MYO1D: variants seen among roughly 807,000 people sequenced by gnomAD.
MYO1D encodes unconventional myosin-Id.
In MYO1D, 83 loss-of-function variants were observed where a neutral mutation model predicts 122.0. The observed-to-expected ratio is 0.68, with a 90% CI of 0.57 to 0.82. The LOEUF (loss-of-function observed/expected upper bound fraction) is 0.82. Ranked by LOEUF, MYO1D falls within the 40% of genes least tolerant of loss-of-function variation. The probability of loss-of-function intolerance (pLI) is 0.00; values close to 1 mark genes in which losing one functional copy is unlikely to be tolerated. For missense variants in MYO1D, 1,157 were observed against 1,269.5 expected, an observed-to-expected ratio of 0.91 and a Z score of 1.35; for synonymous variants, 464 against 446.9, an observed-to-expected ratio of 1.04 and a Z score of -0.48.
chr17:32,752,942 T>C (rs1328264550), intron 11 of MYO1D, among the ~76,000 whole-genome samples: 1 of 152,196 alleles, frequency 6.6e-6, no homozygotes, highest in Non-Finnish European at 1.5e-5. Flanking sequence ...CACTACCAGG[T>C]ATAACGAAAA....
At chr17:32,563,204 C>CTTTTTTTTTTTTTTTTTTT (rs749819200) in intron 21 of MYO1D, among the ~76,000 whole-genome samples, 3 of 105,142 alleles carry the variant, frequency 2.9e-5, no homozygotes, top group East Asian at 2.7e-4. Context: ...TTTTTCTTCT[C>CTTTTTTTTTTTTTTTTTTT]TCTTTTTTTT....
chr17:32,737,896 T>G (rs1461535842), intron 14 of MYO1D, among the ~76,000 whole-genome samples: 1 of 152,242 alleles, frequency 6.6e-6, no homozygotes, highest in Non-Finnish European at 1.5e-5. Context: ...TACAACTTAA[T>G]TCAAGACTTT....
At chr17:32,635,283 A>T (rs148328953) in intron 20 of MYO1D, among the ~76,000 whole-genome samples, 1 of 152,290 alleles carries the variant, frequency 6.6e-6, no homozygotes, top group East Asian at 1.9e-4. Flanking sequence ...GCTATGCAAA[A>T]CTCAGGTTGT....
chr17:32,723,724 C>T lies in MYO1D; in HGVS notation c.1747-2535G>A, dbSNP rs142574018. Among the ~76,000 whole-genome samples the T allele has an allele frequency of 1.1e-4, 17 of 152,240 alleles. 1 individual carries two copies. In the East Asian group the frequency reaches 1.2e-3, roughly 10 times the overall value. ...GAAAAGATGCTCAGTCATCCAGGCA[C>T]GCCATTTGAGTGAGCTCATCTTAGC... On this transcript the variant is annotated intron_variant, in intron 14 of 21. Transcript: ENST00000318217.
At chr17:32,524,121 T>TA (rs1910254790) in intron 21 of MYO1D, among the ~76,000 whole-genome samples, 1 of 152,228 alleles carries the variant, frequency 6.6e-6, no homozygotes, top group South Asian at 2.1e-4. Flanking sequence ...AAAAATGGAA[T>TA]AAAAAAGTTG....
rs943718937 is a variant in MYO1D, at chr17:32,654,460, T to G, written c.2490+17A>C. 13 of 1,585,340 alleles carry G rather than the reference T, an allele frequency of 8.2e-6. No individual in the cohort carries two copies. The highest frequency in any genetic ancestry group is 1.9e-5 in the Admixed American group (1 of 54,042). ...GAGGAAGTAGAAGTAGATTTCACTT[T>G]GTTCCCTTGGACTTACTGAAGCAAG... On this transcript the variant is annotated intron_variant, in intron 18 of 21. Transcript: ENST00000318217.
rs187544137 is a variant in MYO1D at position 32,648,245 on chromosome 17, C to T, written c.2595+5598G>A. ...AAAACAAAAAACAAAACAAACAAGC[C>T]TCTATCACGTTGAGTTGACCTCTTT... On this transcript the variant is annotated intron_variant, in intron 19 of 21. Transcript: ENST00000318217. Among the ~76,000 whole-genome samples, 330 of 151,988 alleles carry T rather than the reference C, an allele frequency of 2.2e-3. 1 individual carries two copies. Among genetic ancestry groups the T allele is most frequent in the African/African-American group, 7.6e-3 (313 of 41,430 alleles).
chr17:32,807,204 A>G (rs2090522240), intron 1 of MYO1D, among the ~76,000 whole-genome samples: 1 of 152,164 alleles, frequency 6.6e-6, no homozygotes, highest in African/African-American at 2.4e-5. Context: ...AAAGGTAAAG[A>G]CTATACTATA....
intron 21 of MYO1D, among the ~76,000 whole-genome samples, chr17:32,532,723 CAAAAAAAAAAAA>C (rs71144833): frequency 1.0e-5 from 1 of 99,684 alleles, no homozygotes; most frequent in African/African-American, 3.7e-5. Context: ...GACTCCGTCT[CAAAAAAAAAAAA>C]AAAAAAAACC....
rs1181050323 is a variant in MYO1D, at chr17:32,494,724, T to A, written c.*35A>T. On this transcript the variant is annotated 3_prime_UTR_variant, in exon 22 of 22. Transcript: ENST00000318217. ...CTGGACTGGGACCCAGGACTCGGAG[T>A]GTGGCCGGGCTCCGGGCCAGGCCTC... The A allele has an allele frequency of 6.5e-7, 1 of 1,550,326 alleles. No homozygotes were observed. Among genetic ancestry groups the A allele is most frequent in the Non-Finnish European group, 8.7e-7 (1 of 1,150,002 alleles).
chr17:32,751,893 C>T (rs1170556183), intron 11 of MYO1D, among the ~76,000 whole-genome samples: 1 of 152,098 alleles, frequency 6.6e-6, no homozygotes, highest in African/African-American at 2.4e-5. Context: ...ATCAAATTAC[C>T]AATGTCATTT....
chr17:32,512,676 C>T (rs1429007936), intron 21 of MYO1D, among the ~76,000 whole-genome samples: 1 of 152,226 alleles, frequency 6.6e-6, no homozygotes, highest in Admixed American at 6.5e-5. Context: ...GAAGACAGAG[C>T]CACTGAACAG....
In MYO1D at chr17:32,580,409, T is replaced by TTTC. The variant is rs1491310010; in HGVS notation, c.2864+24677_2864+24678insGAA. Among the ~76,000 whole-genome samples the TTTC allele has an allele frequency of 1.8e-3, 59 of 32,628 alleles. 1 individual carries two copies. The highest frequency in any genetic ancestry group is 8.0e-3 in the African/African-American group (52 of 6,476). 21.4% of individuals were successfully genotyped at this position (32,628 alleles called of 152,430 possible). On this transcript the variant is annotated intron_variant, in intron 21 of 21. Transcript: ENST00000318217. ...TTTTTCAGTTTGTTTATCTGGTGAA[T>TTTC]TTTTTTTTTTTTTTTTTTGAGTCAG...
At chr17:32,730,375 T>C (rs918322264) in intron 14 of MYO1D, among the ~76,000 whole-genome samples, 3 of 152,220 alleles carry the variant, frequency 2.0e-5, no homozygotes, top group Non-Finnish European at 4.4e-5. Flanking sequence ...CAAAATATTA[T>C]TTTACAGAGT....
rs750988061 is a variant in MYO1D at position 32,494,907 on chromosome 17, C to A, written c.2873G>T (p.Arg958Leu). 6.3e-7 allele frequency: 1 copy of A among 1,598,452 alleles called. No homozygotes were observed. Reference sequence around the variant, plus strand: ...GTTGGTGACGTTCACTTGAAGGTGGCGCTTCTCACTGCAGGAACCAAAAAC... The same window carrying A: ...GTTGGTGACGTTCACTTGAAGGTGGAGCTTCTCACTGCAGGAACCAAAAAC... ...VLVNHFKSEKRHLQVNVTNPV... is the reference protein window; with the variant it reads ...VLVNHFKSEKLHLQVNVTNPV... Residue 958 changes from arginine (R) to leucine (L), a missense_variant, in exon 22 of 22, where the codon CGC becomes CTC. Coordinates refer to ENST00000318217, the MANE Select transcript of MYO1D (RefSeq NM_015194.3).
intron 15 of MYO1D, 88 bp from the exon 16 acceptor site, chr17:32,712,283 T>C (rs2089388297): frequency 1.7e-6 from 2 of 1,185,764 alleles, no homozygotes; most frequent in Non-Finnish European, 1.2e-6. Flanking sequence ...AGACACCTCA[T>C]AGAAAACCAA....
At chr17:32,526,642 C>T (rs1314729097) in intron 21 of MYO1D, among the ~76,000 whole-genome samples, 1 of 151,208 alleles carries the variant, frequency 6.6e-6, no homozygotes, top group Middle Eastern at 3.2e-3. Flanking sequence ...GTATGGACCC[C>T]TATTTTCAAG....
intron 18 of MYO1D, 136 bp from the exon 19 acceptor site, chr17:32,654,083 T>C: frequency 1.5e-6 from 1 of 652,746 alleles, no homozygotes; most frequent in African/African-American, 1.8e-5. Flanking sequence ...CCCCAGATGG[T>C]AAGCTACTAA....
intron 1 of MYO1D, among the ~76,000 whole-genome samples, chr17:32,873,947 A>C (rs764375501): frequency 9.1e-4 from 139 of 152,216 alleles, no homozygotes; most frequent in Non-Finnish European, 1.7e-3. Flanking sequence ...TCTCCACAAC[A>C]CCAACCCCTT....
Sources: allele counts gnomAD v4.1 joint callset (sites outside exome capture counted in the v4.1 genomes callset), GRCh38; gene constraint gnomAD v4.1.1; transcripts MANE v1.5; gene names NCBI Gene and HGNC (gene_info 2026-07-23, HGNC 2026-07-21).